LHFPL6: variants seen among roughly 807,000 people sequenced by gnomAD.
LHFPL6 encodes the protein LHFPL tetraspan subfamily member 6 protein.
A neutral mutation model predicts 20.6 loss-of-function variants in LHFPL6; 9 were observed. The observed-to-expected ratio is 0.44, with a 90% CI of 0.26 to 0.76. The LOEUF (loss-of-function observed/expected upper bound fraction) is 0.76. Ranked by LOEUF, LHFPL6 falls within the 30% of genes least tolerant of loss-of-function variation. The probability of loss-of-function intolerance (pLI) is 0.20; values close to 1 mark genes in which losing one functional copy is unlikely to be tolerated. For synonymous variants in LHFPL6, 105 were observed against 98.7 expected, an observed-to-expected ratio of 1.06 and a Z score of -0.38; for missense variants, 218 against 253.5, an observed-to-expected ratio of 0.86 and a Z score of 0.95.
intron 2 of LHFPL6, among the ~76,000 whole-genome samples, chr13:39,508,942 A>G (rs971723854): frequency 9.2e-5 from 14 of 152,326 alleles, no homozygotes; most frequent in African/African-American, 2.9e-4. Flanking sequence ...AAATGGTTGT[A>G]CCATTTTACA....
intron 2 of LHFPL6, among the ~76,000 whole-genome samples, chr13:39,464,040 A>G (rs186160502): frequency 1.3e-5 from 2 of 152,328 alleles, no homozygotes; most frequent in African/African-American, 4.8e-5. Context: ...TACATTCTAC[A>G]TAAGTAAAAT....
chr13:39,366,546 G>A (rs1870018123), intron 3 of LHFPL6, among the ~76,000 whole-genome samples: 1 of 152,128 alleles, frequency 6.6e-6, no homozygotes, highest in Admixed American at 6.5e-5. Flanking sequence ...AGGAACTATA[G>A]GCATTGTAAC....
At chr13:39,356,640 C>T (rs1267520529) in intron 3 of LHFPL6, among the ~76,000 whole-genome samples, 2 of 152,196 alleles carry the variant, frequency 1.3e-5, no homozygotes, top group East Asian at 1.9e-4. Context: ...AAAGAAAAAG[C>T]GAGAGGATCC....
At chr13:39,570,237 A>C (rs2138529713) in intron 2 of LHFPL6, among the ~76,000 whole-genome samples, 1 of 152,224 alleles carries the variant, frequency 6.6e-6, no homozygotes, top group Non-Finnish European at 1.5e-5. Context: ...GAACTCCTGG[A>C]TTCAGGCAAT....
In LHFPL6 at chr13:39,428,166, GA is replaced by G. The variant is rs146137811; in HGVS notation, c.386-49641del. 2.1e-3 allele frequency among the ~76,000 whole-genome samples: 327 copies of G among 152,272 alleles called. 1 individual carries two copies. Among genetic ancestry groups the G allele is most frequent in the African/African-American group, 7.7e-3 (318 of 41,564 alleles). On this transcript the variant is annotated intron_variant, in intron 2 of 3. Coordinates refer to ENST00000379589, the MANE Select transcript of LHFPL6 (RefSeq NM_005780.3). ...TATTTCTTTCTAGCAGTATGAGAAT[GA>G]ACTAACACAGCTTCATTTCTTGAAT...
chr13:39,384,848 A>G (rs564769954), intron 2 of LHFPL6, among the ~76,000 whole-genome samples: 1 of 152,314 alleles, frequency 6.6e-6, no homozygotes, highest in South Asian at 2.1e-4. Context: ...GCCATAAAAG[A>G]CAACATAAAA....
chr13:39,540,447 G>T (rs1870762534), intron 2 of LHFPL6, among the ~76,000 whole-genome samples: 1 of 151,924 alleles, frequency 6.6e-6, no homozygotes, highest in South Asian at 2.1e-4. Context: ...GACACAATAT[G>T]TATATTACTA....
intron 2 of LHFPL6, among the ~76,000 whole-genome samples, chr13:39,544,271 T>C (rs9576845): frequency 0.096 from 14,627 of 152,232 alleles, 860 homozygotes; most frequent in East Asian, 0.29. Context: ...CTTTGGCTAG[T>C]ACATTTTGCC....
intron 2 of LHFPL6, among the ~76,000 whole-genome samples, chr13:39,448,310 C>A (rs1366603310): frequency 2.0e-5 from 3 of 152,132 alleles, no homozygotes; most frequent in Non-Finnish European, 4.4e-5. Flanking sequence ...GAGGTCCAAA[C>A]AAATACATTA....
At chr13:39,551,901 T>C (rs985031031) in intron 2 of LHFPL6, among the ~76,000 whole-genome samples, 6 of 152,250 alleles carry the variant, frequency 3.9e-5, no homozygotes, top group African/African-American at 1.2e-4. Context: ...TTTTTATATT[T>C]TTAGGTTTTC....
intron 2 of LHFPL6, among the ~76,000 whole-genome samples, chr13:39,432,528 C>T (rs574869421): frequency 2.6e-5 from 4 of 152,160 alleles, no homozygotes; most frequent in Non-Finnish European, 5.9e-5. Context: ...TCCACCCCCT[C>T]TCCTATGTCA....
At chr13:39,382,250 A>G (rs1870456444) in intron 2 of LHFPL6, among the ~76,000 whole-genome samples, 1 of 152,174 alleles carries the variant, frequency 6.6e-6, no homozygotes, top group African/African-American at 2.4e-5. Flanking sequence ...TGGTATTTAG[A>G]ACACTAGATT....
In LHFPL6 at chr13:39,581,918, GT is replaced by G. The variant is rs761681174; in HGVS notation, c.385+18913del. ...GAAAATGTCAAAATTCAAAAGCCAT[GT>G]GTTTTTAAGAGTAAATGAAGTAGTA... On this transcript the variant is annotated intron_variant, in intron 2 of 3. Coordinates refer to ENST00000379589, the MANE Select transcript of LHFPL6 (RefSeq NM_005780.3). 8.5e-5 allele frequency among the ~76,000 whole-genome samples: 13 copies of G among 152,334 alleles called. No homozygotes were observed. The East Asian group carries it at 1.7e-3, about 20-fold the overall frequency.
At chr13:39,589,483 T>C (rs1488733700) in intron 2 of LHFPL6, among the ~76,000 whole-genome samples, 2 of 152,174 alleles carry the variant, frequency 1.3e-5, no homozygotes, top group Non-Finnish European at 2.9e-5. Context: ...AACTGAGCAA[T>C]GTTGTATCCA....
At chr13:39,562,645 TATACACAC>T (rs1871570671) in intron 2 of LHFPL6, among the ~76,000 whole-genome samples, 1 of 135,616 alleles carries the variant, frequency 7.4e-6, no homozygotes, top group African/African-American at 2.6e-5. Context: ...TATACACATA[TATACACAC>T]ATATACACAT....
intron 2 of LHFPL6, among the ~76,000 whole-genome samples, chr13:39,516,615 T>A (rs751421021): frequency 6.6e-6 from 1 of 152,218 alleles, no homozygotes; most frequent in South Asian, 2.1e-4. Context: ...GACTGATGAA[T>A]ATATAATGCA....
chr13:39,435,912 A>G (rs1359952872), intron 2 of LHFPL6, among the ~76,000 whole-genome samples: 8 of 152,142 alleles, frequency 5.3e-5, no homozygotes, highest in African/African-American at 1.9e-4. Context: ...ACCAGTCACT[A>G]AAGAAGTGAT....
intron 2 of LHFPL6, among the ~76,000 whole-genome samples, chr13:39,397,236 C>A (rs1870866551): frequency 6.6e-6 from 1 of 152,042 alleles, no homozygotes; most frequent in African/African-American, 2.4e-5. Context: ...AAGAAAATGG[C>A]CCCAAGAAGA....
chr13:39,598,779 G>A (rs547396073), intron 2 of LHFPL6, among the ~76,000 whole-genome samples: 3 of 152,124 alleles, frequency 2.0e-5, no homozygotes, highest in South Asian at 4.2e-4. Context: ...GGATGGTCTC[G>A]ATCTCCTGAC....
Sources: gnomAD v4.1 joint callset for allele counts (sites outside exome capture counted in the v4.1 genomes callset) on GRCh38, gnomAD v4.1.1 for gene constraint, MANE v1.5 for transcripts, NCBI Gene and HGNC (gene_info 2026-07-23, HGNC 2026-07-21) for gene names.